Variants in CDC42EP3 observed in about 807,000 individuals in gnomAD.
The protein encoded by CDC42EP3 is CDC42 effector protein (Rho GTPase binding) 3.
A neutral mutation model predicts 15.5 loss-of-function variants in CDC42EP3; 4 were observed. The observed-to-expected ratio is 0.26, with a 90% CI of 0.13 to 0.59. CDC42EP3 has a LOEUF of 0.59. Ranked by LOEUF, CDC42EP3 falls within the 20% of genes least tolerant of loss-of-function variation. The pLI is 0.89. For missense variants in CDC42EP3, 309 were observed against 311.2 expected, an observed-to-expected ratio of 0.99 and a Z score of 0.05; for synonymous variants, 145 against 130.3, an observed-to-expected ratio of 1.11 and a Z score of -0.77.
intron 1 of CDC42EP3, among the ~76,000 whole-genome samples, chr2:37,656,999 C>CCCCCCT (rs1387418565): frequency 3.0e-5 from 3 of 100,624 alleles, no homozygotes; most frequent in African/African-American, 1.4e-4. Flanking sequence ...CACCCCCCGC[C>CCCCCCT]CCCCGCCATC....
chr2:37,664,090 C>T (rs1236569660), intron 1 of CDC42EP3, among the ~76,000 whole-genome samples: 9 of 152,124 alleles, frequency 5.9e-5, no homozygotes, highest in African/African-American at 1.4e-4. Flanking sequence ...AGGAGAATGG[C>T]GTGAACCTGG....
rs567546774 is a variant in CDC42EP3 at position 37,643,614 on chromosome 2, T to C, written c.*2209A>G. The stretch of plus-strand genomic sequence containing the variant: ...CCATACTCCTCCCCTTTTCATGAAA[T>C]AGTTTCATCTTTACCTTGAGGTCAC... On this transcript the variant is annotated 3_prime_UTR_variant, in exon 2 of 2. Transcript: ENST00000295324. The C allele has an allele frequency of 4.6e-5, 7 of 152,298 alleles. No individual in the cohort carries two copies. In the East Asian group the frequency reaches 1.3e-3, roughly 29 times the overall value. The allele number at this position is 152,298 out of a possible 1,614,324, so 9.4% of individuals were successfully genotyped here. A position where few individuals can be genotyped will look rare whatever the true frequency, so the allele number is the denominator to read the frequency against.
chr2:37,654,734 C>T (rs752922719), intron 1 of CDC42EP3, among the ~76,000 whole-genome samples: 1 of 152,204 alleles, frequency 6.6e-6, no homozygotes, highest in African/African-American at 2.4e-5. Context: ...AAAACGCACA[C>T]GGACTTTCCC....
intron 1 of CDC42EP3, among the ~76,000 whole-genome samples, chr2:37,655,718 T>A (rs1209899200): frequency 6.6e-6 from 1 of 152,204 alleles, no homozygotes; most frequent in Non-Finnish European, 1.5e-5. Context: ...CTCACGTGTT[T>A]CCATAACTAA....
At position 37,646,168 on chromosome 2, in the gene CDC42EP3, C is replaced by A. The variant is rs565812579; in HGVS notation, c.420G>T (p.Leu140=). ...SKQESFGPAK[L]PRLSCEPVME... ...TGACGGGCTCGCAGCTAAGCCTGGG[C>A]AGCTTTGCTGGCCCGAAGGACTCCT... Residue 140 remains leucine (L), a synonymous_variant, in exon 2 of 2, where the codon CTG becomes CTT. Transcript: ENST00000295324. 104 of 1,614,068 alleles carry A rather than the reference C, an allele frequency of 6.4e-5. No homozygotes were observed. Among genetic ancestry groups the A allele is most frequent in the Admixed American group, 8.3e-5 (5 of 60,008 alleles).
chr2:37,671,507 C>G lies in CDC42EP3; in HGVS notation c.-317G>C, dbSNP rs1666418673. On this transcript the variant is annotated 5_prime_UTR_variant, in exon 1 of 2. Coordinates refer to ENST00000295324, the MANE Select transcript of CDC42EP3 (RefSeq NM_006449.5). ...CCCTGCCGCTGTGCGCAGATCCAGCCGAGTCTGCCGGCGTGGTGCCTGCTC... is the reference window on the plus strand; with the variant it reads ...CCCTGCCGCTGTGCGCAGATCCAGCGGAGTCTGCCGGCGTGGTGCCTGCTC... The G allele has an allele frequency of 6.6e-6, 1 of 152,252 alleles. No individual in the cohort carries two copies. The highest frequency in any genetic ancestry group is 2.4e-5 in the African/African-American group (1 of 41,460). The allele number at this position is 152,252 out of a possible 1,614,324, so 9.4% of individuals were successfully genotyped here.
intron 1 of CDC42EP3, among the ~76,000 whole-genome samples, chr2:37,659,116 T>C (rs181403080): frequency 6.6e-6 from 1 of 152,210 alleles, no homozygotes; most frequent in Non-Finnish European, 1.5e-5. Flanking sequence ...TTATTACCAC[T>C]ACTTATTTAA....
At chr2:37,655,321 A>G (rs894700867) in intron 1 of CDC42EP3, among the ~76,000 whole-genome samples, 7 of 152,170 alleles carry the variant, frequency 4.6e-5, no homozygotes, top group Non-Finnish European at 8.8e-5. Context: ...TTCTTTTACA[A>G]CCCTGATTAT....
chr2:37,672,020 GCCCGCAC>G (rs1388175009), upstream of CDC42EP3: 1 of 152,162 alleles, frequency 6.6e-6, no homozygotes, highest in Non-Finnish European at 1.5e-5. Flanking sequence ...ATAGGACTCC[GCCCGCAC>G]CCCGGACTCC....
intron 1 of CDC42EP3, among the ~76,000 whole-genome samples, chr2:37,654,233 G>A (rs1665778253): frequency 6.6e-6 from 1 of 152,002 alleles, no homozygotes; most frequent in Admixed American, 6.6e-5. Context: ...CATGATCCTA[G>A]GCTCCACATT....
At position 37,645,349 on chromosome 2, in the gene CDC42EP3, T is replaced by TAA; in HGVS notation, c.*472_*473dup. 1 of 153,000 alleles carries TAA rather than the reference T, an allele frequency of 6.5e-6. No homozygotes were observed. The highest frequency in any genetic ancestry group is 2.1e-4 in the South Asian group (1 of 4,828). 9.5% of individuals were successfully genotyped at this position (153,000 alleles called of 1,614,324 possible). ...TTCAAATGTGAAAACAGAAAAGTTT[T>TAA]AACACTGGAGAATTCGCTATGGTGA... On this transcript the variant is annotated 3_prime_UTR_variant, in exon 2 of 2. Coordinates refer to ENST00000295324, the MANE Select transcript of CDC42EP3 (RefSeq NM_006449.5).
upstream of CDC42EP3, chr2:37,672,399 G>C (rs1666461652): frequency 6.6e-6 from 1 of 152,194 alleles, no homozygotes; most frequent in Admixed American, 6.5e-5. Context: ...AAAAGGATTT[G>C]CCTAAAGCTG....
chr2:37,662,442 T>C (rs1330807144), intron 1 of CDC42EP3, among the ~76,000 whole-genome samples: 1 of 152,238 alleles, frequency 6.6e-6, no homozygotes, highest in Non-Finnish European at 1.5e-5. Flanking sequence ...CCTTTTAACC[T>C]TACTCCTTTT....
chr2:37,657,468 A>C (rs2124626266), intron 1 of CDC42EP3, among the ~76,000 whole-genome samples: 1 of 152,326 alleles, frequency 6.6e-6, no homozygotes, highest in African/African-American at 2.4e-5. Flanking sequence ...AAAGGGCTAT[A>C]CATGAGTGTT....
chr2:37,668,309 C>T (rs930775296), intron 1 of CDC42EP3, among the ~76,000 whole-genome samples: 2 of 152,086 alleles, frequency 1.3e-5, no homozygotes, highest in Non-Finnish European at 2.9e-5. Context: ...GTATTAAGTA[C>T]CTAGGAAAAA....
chr2:37,662,295 G>A (rs6710421), intron 1 of CDC42EP3, among the ~76,000 whole-genome samples: 53,489 of 151,926 alleles, frequency 0.35, 9,580 homozygotes, highest in Non-Finnish European at 0.38. Flanking sequence ...GGGTAACAAC[G>A]AGCATAAAGT....
chr2:37,661,148 GTA>G (rs35916829), intron 1 of CDC42EP3, among the ~76,000 whole-genome samples: 2 of 151,304 alleles, frequency 1.3e-5, no homozygotes, highest in Admixed American at 6.6e-5. Flanking sequence ...TATAGTGTGT[GTA>G]TATATATATA....
rs897407148 is a variant in CDC42EP3, at chr2:37,644,834, G to C, written c.*989C>G. 2.0e-5 allele frequency: 3 copies of C among 152,118 alleles called. No individual in the cohort carries two copies. The highest frequency in any genetic ancestry group is 4.4e-5 in the Non-Finnish European group (3 of 68,022). The allele number at this position is 152,118 out of a possible 1,614,324, so 9.4% of individuals were successfully genotyped here. ...CTTGTTTATTACTATAAACAAGCAA[G>C]TTCACTTTATCATTTACTTTTTATT... On this transcript the variant is annotated 3_prime_UTR_variant, in exon 2 of 2. Transcript: ENST00000295324.
upstream of CDC42EP3, chr2:37,672,466 C>G (rs969198495): frequency 2.6e-5 from 4 of 152,170 alleles, no homozygotes; most frequent in Non-Finnish European, 5.9e-5. Flanking sequence ...GGCGCAGCTG[C>G]CGGCCCGAGA....
Sources: allele counts gnomAD v4.1 joint callset (sites outside exome capture counted in the v4.1 genomes callset), GRCh38; gene constraint gnomAD v4.1.1; transcripts MANE v1.5; gene names NCBI Gene and HGNC (gene_info 2026-07-23, HGNC 2026-07-21).